GRID1: variants seen among roughly 807,000 people sequenced by gnomAD.
The protein encoded by GRID1 is glutamate ionotropic receptor delta type subunit 1, also known as glutamate receptor ionotropic, delta-1.
In GRID1, 28 loss-of-function variants were observed where a neutral mutation model predicts 98.0. The ratio of observed to expected loss-of-function variants is 0.29; its 90% CI spans 0.21 to 0.39. The LOEUF (loss-of-function observed/expected upper bound fraction) is 0.39, where lower values mean the gene tolerates loss of function less well. Ranked by LOEUF, GRID1 falls within the 10% of genes least tolerant of loss-of-function variation. The probability of loss-of-function intolerance (pLI) is 1.00; values close to 1 mark genes in which losing one functional copy is unlikely to be tolerated. For synonymous variants in GRID1, 553 were observed against 538.5 expected (o/e 1.03, Z -0.37); for missense variants, 1,111 against 1,340.5 (o/e 0.83, Z 2.67).
intron 2 of GRID1, among the ~76,000 whole-genome samples, chr10:86,361,570 A>G (rs1386978327): frequency 6.6e-6 from 1 of 152,168 alleles, no homozygotes; most frequent in Non-Finnish European, 1.5e-5. Flanking sequence ...CAGAGAAACC[A>G]AGACCCAGAA....
intron 3 of GRID1, among the ~76,000 whole-genome samples, chr10:86,154,463 C>G (rs1845215046): frequency 6.6e-6 from 1 of 152,084 alleles, no homozygotes; most frequent in Non-Finnish European, 1.5e-5. Flanking sequence ...ATGTCGAGCC[C>G]CAAGGGCCAC....
At chr10:86,023,317 GGC>G (rs1275371726) in intron 4 of GRID1, among the ~76,000 whole-genome samples, 1 of 152,152 alleles carries the variant, frequency 6.6e-6, no homozygotes, top group Non-Finnish European at 1.5e-5. Flanking sequence ...CAACCAATAT[GGC>G]CTGCGGGCTC....
At chr10:86,321,774 A>C (rs1035460362) in intron 2 of GRID1, among the ~76,000 whole-genome samples, 6 of 152,120 alleles carry the variant, frequency 3.9e-5, no homozygotes, top group Admixed American at 3.9e-4. Context: ...GCAACAACAC[A>C]CAGGAGGTCA....
intron 12 of GRID1, among the ~76,000 whole-genome samples, chr10:85,682,594 GC>G (rs1273893240): frequency 1.3e-5 from 2 of 152,206 alleles, no homozygotes; most frequent in African/African-American, 4.8e-5. Context: ...AACTCACTTT[GC>G]CACTCTCTCC....
chr10:86,321,586 G>A (rs753581723), intron 2 of GRID1, among the ~76,000 whole-genome samples: 15 of 152,148 alleles, frequency 9.9e-5, no homozygotes, highest in Non-Finnish European at 1.8e-4. Flanking sequence ...AAGCATATCC[G>A]GGAGAGGGCT....
Position 86,206,435 on chromosome 10 carries a change from T to C in GRID1, c.449A>G (p.Asn150Ser), listed in dbSNP as rs192984874. ...CGTCACCAGCCTGAGCATGACATCA[T>C]TGAGGCGGACGGGTGGTCTCGAAGC... ...TLASRPPVRL[N>S]DVMLRLVTEL... The change falls in exon 3 of 16, where the codon AAT becomes AGT. Residue 150 changes from asparagine (N) to serine (S), a missense_variant. Physicochemically the swap from Asn to Ser is conservative, Grantham distance 46. Transcript: ENST00000327946. The surrounding 1 kb of genome is among the most constrained non-coding windows in gnomAD (Gnocchi z 4.1). The C allele has an allele frequency of 1.4e-5, 22 of 1,613,976 alleles. No homozygotes were observed. In the East Asian group the frequency reaches 1.6e-4, roughly 11 times the overall value.
Position 85,964,745 on chromosome 10 carries a change from T to C in GRID1, c.727-48506A>G, listed in dbSNP as rs1265836058. ...CATAGGCATGGGCAAAGACTTCATG[T>C]CTAAAATACCAAAAGCAATGGCAAT... On this transcript the variant is annotated intron_variant, in intron 4 of 15. Coordinates refer to ENST00000327946, the MANE Select transcript of GRID1 (RefSeq NM_017551.3). Among the ~76,000 whole-genome samples the C allele has an allele frequency of 4.6e-5, 7 of 152,114 alleles. No homozygotes were observed. The East Asian group carries it at 1.3e-3, about 29-fold the overall frequency.
chr10:86,071,305 C>A (rs1296800041), intron 4 of GRID1, among the ~76,000 whole-genome samples: 1 of 152,196 alleles, frequency 6.6e-6, no homozygotes, highest in African/African-American at 2.4e-5. Flanking sequence ...GTCCACCCCA[C>A]CTGGTATAAC....
At chr10:85,818,858 T>C (rs1205416881) in intron 8 of GRID1, among the ~76,000 whole-genome samples, 1 of 151,976 alleles carries the variant, frequency 6.6e-6, no homozygotes, top group Admixed American at 6.6e-5. Context: ...GCTGGGACTA[T>C]AGGCACATGC....
rs548623124 is a variant in GRID1 at position 86,248,214 on chromosome 10, C to G, written c.236-41566G>C. Among the ~76,000 whole-genome samples, 4 of 152,354 alleles carry G rather than the reference C, an allele frequency of 2.6e-5. No individual in the cohort carries two copies. In the East Asian group the frequency reaches 7.7e-4, roughly 29 times the overall value. On this transcript the variant is annotated intron_variant, in intron 2 of 15. Transcript: ENST00000327946. ...GCAAAGGCACCATCTAATGAGGCAG[C>G]TCCTGCCAGCGGGAGTCACCTTCAC...
chr10:86,184,886 G>A (rs1462922544), intron 3 of GRID1, among the ~76,000 whole-genome samples: 2 of 152,034 alleles, frequency 1.3e-5, no homozygotes, highest in Non-Finnish European at 2.9e-5. Context: ...TAGTCATGTA[G>A]TGAAATCGAA....
intron 2 of GRID1, among the ~76,000 whole-genome samples, chr10:86,329,598 C>T (rs1224654173): frequency 6.6e-6 from 1 of 152,180 alleles, no homozygotes; most frequent in Non-Finnish European, 1.5e-5. Context: ...AACATATATG[C>T]TACCTTCTGT....
At chr10:85,980,191 G>C (rs1564641203) in intron 4 of GRID1, among the ~76,000 whole-genome samples, 2 of 152,196 alleles carry the variant, frequency 1.3e-5, no homozygotes, top group African/African-American at 4.8e-5. Flanking sequence ...AGCTGGATGG[G>C]CTTCTCCCCA....
intron 4 of GRID1, among the ~76,000 whole-genome samples, chr10:86,095,451 A>G (rs1844207887): frequency 6.6e-6 from 1 of 152,236 alleles, no homozygotes; most frequent in South Asian, 2.1e-4. Context: ...TTCACAATCT[A>G]TACATCTGAC....
intron 2 of GRID1, among the ~76,000 whole-genome samples, chr10:86,212,907 G>C (rs960012000): frequency 6.6e-6 from 1 of 152,132 alleles, no homozygotes; most frequent in Admixed American, 6.5e-5. Context: ...TAAAATGGTG[G>C]GGGGATGGGT....
At chr10:85,640,239 T>A (rs1843098827) in intron 13 of GRID1, among the ~76,000 whole-genome samples, 1 of 152,184 alleles carries the variant, frequency 6.6e-6, no homozygotes, top group South Asian at 2.1e-4. Context: ...TTTGAGCAGG[T>A]ACAAAAGATA....
intron 7 of GRID1, 27 bp from the exon 8 acceptor site, chr10:85,854,642 G>GA: frequency 1.2e-6 from 2 of 1,613,640 alleles, no homozygotes; most frequent in Non-Finnish European, 1.7e-6. Flanking sequence ...AAACCCATTG[G>GA]AAAATCTGGT....
chr10:85,676,167 C>T (rs1462992876), intron 12 of GRID1, among the ~76,000 whole-genome samples: 3 of 152,090 alleles, frequency 2.0e-5, no homozygotes, highest in Non-Finnish European at 2.9e-5. Flanking sequence ...TGTTTCACCT[C>T]GAATCTTTTT....
At chr10:85,655,631 T>G (rs1184097626) in intron 12 of GRID1, among the ~76,000 whole-genome samples, 1 of 152,146 alleles carries the variant, frequency 6.6e-6, no homozygotes, top group African/African-American at 2.4e-5. Context: ...CTGCTTGAGA[T>G]CTTCTAAATC....
Sources: gnomAD v4.1 joint callset for allele counts (sites outside exome capture counted in the v4.1 genomes callset) on GRCh38, gnomAD v4.1.1 for gene constraint, Gnocchi (gnomAD v3.1) non-coding constraint, MANE v1.5 for transcripts, NCBI Gene and HGNC (gene_info 2026-07-23, HGNC 2026-07-21) for gene names.